RRM2: variants seen among roughly 807,000 people sequenced by gnomAD.
RRM2 encodes the protein ribonucleoside-diphosphate reductase subunit M2.
Under a neutral mutation model 45.9 loss-of-function variants are expected in RRM2, and 6 were observed. The ratio of observed to expected loss-of-function variants is 0.13; its 90% CI spans 0.07 to 0.26. The LOEUF (loss-of-function observed/expected upper bound fraction) is 0.26, where lower values mean the gene tolerates loss of function less well. RRM2 is among the 10% of genes least tolerant of loss of function. RRM2 has a pLI of 1.00. For synonymous variants in RRM2, 177 were observed against 173.0 expected, an observed-to-expected ratio of 1.02 and a Z score of -0.18; for missense variants, 343 against 489.5, an observed-to-expected ratio of 0.70 and a Z score of 2.82.
intron 3 of RRM2, among the ~76,000 whole-genome samples, chr2:10,184,106 A>AG (rs1256954353): frequency 1.6e-4 from 22 of 139,692 alleles, no homozygotes; most frequent in Non-Finnish European, 3.4e-4. Context: ...AAAAAAAAAA[A>AG]AAAAAAAAAA....
intron 3 of RRM2, among the ~76,000 whole-genome samples, chr2:10,168,261 T>TC (rs1263631440): frequency 6.6e-6 from 1 of 151,682 alleles, no homozygotes; most frequent in East Asian, 1.9e-4. Context: ...GATAGTTCCT[T>TC]CCCCCCACCC....
chr2:10,198,434 G>A (rs78976569), intron 3 of RRM2, among the ~76,000 whole-genome samples: 22,734 of 149,714 alleles, frequency 0.15, 2,031 homozygotes, highest in Non-Finnish European at 0.21. Flanking sequence ...ACAGGGTCTC[G>A]TGCTGTTGCC....
chr2:10,142,482 C>A (rs534266021), intron 3 of RRM2: 2 of 1,144,456 alleles, frequency 1.7e-6, no homozygotes, highest in Non-Finnish European at 1.2e-6. Flanking sequence ...AGGGCCCCCA[C>A]GCACCCCTGC....
chr2:10,202,378 A>G (rs1276683358), intron 3 of RRM2, among the ~76,000 whole-genome samples: 2 of 152,238 alleles, frequency 1.3e-5, no homozygotes, highest in East Asian at 3.8e-4. Flanking sequence ...TTTCAGCACC[A>G]AATGTAAGAC....
chr2:10,169,265 A>C lies in RRM2; in HGVS notation n.482+26890A>C, dbSNP rs980426647. 1.3e-5 allele frequency among the ~76,000 whole-genome samples: 2 copies of C among 150,958 alleles called. No homozygotes were observed. Among genetic ancestry groups the C allele is most frequent in the African/African-American group, 4.9e-5 (2 of 40,928 alleles). ...AGTGCTGGGATTACAGGTGTGCGCC[A>C]CTGTGCCCAGCTGCTTCTCTTTGTA... On this transcript the variant is annotated intron_variant and non_coding_transcript_variant, in intron 3 of 3. Coordinates refer to the RRM2 transcript ENST00000381786. This position sits in a 1 kb window ranked among gnomAD's most constrained non-coding sequence, Gnocchi z 5.1.
intron 3 of RRM2, among the ~76,000 whole-genome samples, chr2:10,146,740 A>G (rs113288121): frequency 0.043 from 6,564 of 152,232 alleles, 479 homozygotes; most frequent in African/African-American, 0.15. Context: ...GAGGAGGAGG[A>G]GGGAGAGGAG....
intron 3 of RRM2, among the ~76,000 whole-genome samples, chr2:10,162,185 G>C (rs545487359): frequency 1.3e-5 from 2 of 152,292 alleles, no homozygotes; most frequent in African/African-American, 4.8e-5. Flanking sequence ...GGATGCCCGG[G>C]TGCACAGAGG....
rs937090386 is a variant in RRM2 at position 10,195,192 on chromosome 2, C to T, written n.483-15119C>T. 6.6e-6 allele frequency among the ~76,000 whole-genome samples: 1 copy of T among 152,072 alleles called. No homozygotes were observed. Among genetic ancestry groups the T allele is most frequent in the Non-Finnish European group, 1.5e-5 (1 of 68,010 alleles). On this transcript the variant is annotated intron_variant and non_coding_transcript_variant, in intron 3 of 3. Coordinates refer to the RRM2 transcript ENST00000381786. The surrounding 1 kb of genome is among the most constrained non-coding windows in gnomAD (Gnocchi z 4.9). ...AACAGGCATGTTCTGGAAGACCCAC[C>T]GTCTGAGGGGTCATGTGACAGGTGG...
At position 10,200,458 on chromosome 2, in the gene RRM2, G is replaced by C. The variant is rs61144106; in HGVS notation, n.483-9853G>C. 3.7e-3 allele frequency among the ~76,000 whole-genome samples: 383 copies of C among 103,786 alleles called. 5 individuals carry two copies. The highest frequency in any genetic ancestry group is 0.013 in the East Asian group (33 of 2,460). 68.1% of individuals were successfully genotyped at this position (103,786 alleles called of 152,430 possible). On this transcript the variant is annotated intron_variant and non_coding_transcript_variant, in intron 3 of 3. Coordinates refer to the RRM2 transcript ENST00000381786. ...GCGCGCAAAATATGAGGCCCACAGGGACCGCGCGCGCAAAATATGAGGCCC... is the reference window on the plus strand; with the variant it reads ...GCGCGCAAAATATGAGGCCCACAGGCACCGCGCGCGCAAAATATGAGGCCC...
At chr2:10,153,669 C>T (rs1013786904) in intron 3 of RRM2, among the ~76,000 whole-genome samples, 2 of 152,142 alleles carry the variant, frequency 1.3e-5, no homozygotes, top group African/African-American at 4.8e-5. Context: ...AGCCTCACAG[C>T]GATTCTCTGC....
At chr2:10,203,002 G>C (rs1262181700) in intron 3 of RRM2, among the ~76,000 whole-genome samples, 1 of 152,232 alleles carries the variant, frequency 6.6e-6, no homozygotes, top group East Asian at 1.9e-4. Flanking sequence ...GCTGGAGAAA[G>C]AACAGTGAGC....
intron 3 of RRM2, among the ~76,000 whole-genome samples, chr2:10,166,736 G>A (rs1663690814): frequency 6.6e-6 from 1 of 152,318 alleles, no homozygotes; most frequent in African/African-American, 2.4e-5. Context: ...ATGCTCCCAC[G>A]CAGCAGTGCC....
intron 3 of RRM2, among the ~76,000 whole-genome samples, chr2:10,196,772 C>T (rs917979146): frequency 6.6e-6 from 1 of 152,202 alleles, no homozygotes; most frequent in Non-Finnish European, 1.5e-5. Context: ...AAGCCAGAGC[C>T]GGGAGGCCAG....
upstream of RRM2, among the ~76,000 whole-genome samples, chr2:10,138,780 T>C (rs1663032548): frequency 6.6e-6 from 1 of 152,206 alleles, no homozygotes; most frequent in Admixed American, 6.5e-5. Context: ...CATAAGCAAC[T>C]TTTTCACGTG....
intron 3 of RRM2, among the ~76,000 whole-genome samples, chr2:10,157,039 T>TTTG (rs1403880457): frequency 6.8e-6 from 1 of 147,234 alleles, no homozygotes; most frequent in African/African-American, 2.5e-5. Flanking sequence ...TTTTTTTTTT[T>TTTG]GAGATGGAGT....
intron 3 of RRM2, among the ~76,000 whole-genome samples, chr2:10,199,648 C>T (rs752605349): frequency 5.5e-4 from 83 of 151,674 alleles, no homozygotes; most frequent in African/African-American, 6.3e-4. Flanking sequence ...GGTGTGGTGG[C>T]GGGCGCCTGA....
intron 3 of RRM2, among the ~76,000 whole-genome samples, chr2:10,170,800 C>T (rs1415885531): frequency 1.3e-5 from 2 of 152,300 alleles, no homozygotes; most frequent in Admixed American, 6.5e-5. Flanking sequence ...CCCGCACCCC[C>T]ACGCCCCCGC....
intron 3 of RRM2, among the ~76,000 whole-genome samples, chr2:10,186,985 G>T (rs1044233625): frequency 5.3e-5 from 8 of 152,226 alleles, no homozygotes; most frequent in African/African-American, 1.9e-4. Context: ...GGAGTCCCCC[G>T]AAGGGGGGCT....
At chr2:10,144,870 G>T (rs933588966) in intron 3 of RRM2, among the ~76,000 whole-genome samples, 3 of 152,154 alleles carry the variant, frequency 2.0e-5, no homozygotes, top group Non-Finnish European at 2.9e-5. Flanking sequence ...GCCCACTGGG[G>T]GAAGGGCGGG....
Sources: gnomAD v4.1 joint callset for allele counts (sites outside exome capture counted in the v4.1 genomes callset) on GRCh38, gnomAD v4.1.1 for gene constraint, Gnocchi (gnomAD v3.1) non-coding constraint, MANE v1.5 for transcripts, NCBI Gene and HGNC (gene_info 2026-07-23, HGNC 2026-07-21) for gene names.